TTC27: variants seen among roughly 807,000 people sequenced by gnomAD.
TTC27 encodes tetratricopeptide repeat domain 27, also known as tetratricopeptide repeat protein 27.
TTC27 carries 79 observed loss-of-function variants against 115.9 expected under a neutral mutation model. The observed-to-expected ratio is 0.68, with a 90% CI of 0.57 to 0.82. The LOEUF (loss-of-function observed/expected upper bound fraction) is 0.82, where lower values mean the gene tolerates loss of function less well. Among genes scored for constraint, TTC27 ranks in the 40% least tolerant of loss-of-function variants. TTC27 has a pLI of 0.00. For missense variants in TTC27, 1,054 were observed against 993.1 expected, an observed-to-expected ratio of 1.06 and a Z score of -0.82; for synonymous variants, 401 against 356.0, an observed-to-expected ratio of 1.13 and a Z score of -1.42.
chr2:32,673,916 G>A (rs776488900), intron 8 of TTC27, among the ~76,000 whole-genome samples: 44 of 152,082 alleles, frequency 2.9e-4, no homozygotes, highest in Non-Finnish European at 5.7e-4. Context: ...CGCTTGAACC[G>A]AGAGATTGCA....
At chr2:32,648,436 CTT>C (rs35446780) in intron 4 of TTC27, among the ~76,000 whole-genome samples, 2,865 of 111,906 alleles carry the variant, frequency 0.026, 42 homozygotes, top group Middle Eastern at 0.058. Flanking sequence ...GGCACCCCCC[CTT>C]TTTTTTTTTT....
chr2:32,629,139 G>A (rs960506756), intron 1 of TTC27, among the ~76,000 whole-genome samples: 7 of 149,890 alleles, frequency 4.7e-5, no homozygotes, highest in African/African-American at 1.7e-4. Context: ...TTTTTTTGGG[G>A]GGATGGAGTC....
At chr2:32,684,117 CACTGCACCCCAG>C in intron 9 of TTC27, among the ~76,000 whole-genome samples, 1 of 152,234 alleles carries the variant, frequency 6.6e-6, no homozygotes, top group East Asian at 1.9e-4. Context: ...GAGGTCACGC[CACTGCACCCCAG>C]GCTGCACGAC....
intron 9 of TTC27, among the ~76,000 whole-genome samples, chr2:32,680,883 G>A (rs1458191089): frequency 4.6e-5 from 7 of 152,080 alleles, no homozygotes; most frequent in Admixed American, 1.3e-4. Context: ...TGTGTGTGGC[G>A]GGGGTTCCCT....
intron 10 of TTC27, among the ~76,000 whole-genome samples, chr2:32,722,342 G>C (rs939404667): frequency 2.0e-5 from 3 of 152,238 alleles, no homozygotes; most frequent in Non-Finnish European, 4.4e-5. Context: ...TTGCTCATGT[G>C]ATTGTAGCTG....
At chr2:32,782,117 A>G (rs1288071253) in intron 14 of TTC27, among the ~76,000 whole-genome samples, 1 of 152,214 alleles carries the variant, frequency 6.6e-6, no homozygotes, top group Admixed American at 6.5e-5. Flanking sequence ...GATTTAAAAA[A>G]ACATTCATTT....
chr2:32,757,403 A>T (rs992995593), intron 12 of TTC27, among the ~76,000 whole-genome samples: 2 of 152,170 alleles, frequency 1.3e-5, no homozygotes, highest in African/African-American at 4.8e-5. Flanking sequence ...GGGCCAGTGA[A>T]GCAGTGTTCC....
intron 9 of TTC27, among the ~76,000 whole-genome samples, chr2:32,691,301 TTTAC>T (rs1666799908): frequency 6.7e-6 from 1 of 148,160 alleles, no homozygotes; most frequent in Admixed American, 6.8e-5. Context: ...CATATGAATA[TTTAC>T]TTTTTTTTTT....
chr2:32,696,110 C>T (rs1437935772), intron 9 of TTC27, among the ~76,000 whole-genome samples: 1 of 146,000 alleles, frequency 6.8e-6, no homozygotes, highest in Non-Finnish European at 1.5e-5. Flanking sequence ...GGTGACAGAG[C>T]GAGACTCTAC....
intron 16 of TTC27, among the ~76,000 whole-genome samples, chr2:32,795,162 C>G (rs935667127): frequency 1.1e-4 from 16 of 150,724 alleles, no homozygotes; most frequent in Admixed American, 9.2e-4. Context: ...AAAACACAGA[C>G]CAAAATCTCT....
chr2:32,714,957 T>C (rs1392980079), intron 10 of TTC27, among the ~76,000 whole-genome samples: 2 of 152,166 alleles, frequency 1.3e-5, no homozygotes, highest in Non-Finnish European at 2.9e-5. Flanking sequence ...TTGTTTAAGT[T>C]CCTTATAGAT....
intron 5 of TTC27, among the ~76,000 whole-genome samples, chr2:32,657,351 TTC>T (rs1665364685): frequency 6.8e-6 from 1 of 147,132 alleles, no homozygotes; most frequent in African/African-American, 2.5e-5. Context: ...AACACTGTCT[TTC>T]TTTTTTTTTT....
chr2:32,815,294 T>A (rs1450623583), intron 18 of TTC27, among the ~76,000 whole-genome samples: 3 of 131,152 alleles, frequency 2.3e-5, no homozygotes, highest in Non-Finnish European at 4.6e-5. Flanking sequence ...TGGAGTGCAG[T>A]GGCGCGATCT....
At chr2:32,747,014 C>G (rs932169099) in intron 12 of TTC27, among the ~76,000 whole-genome samples, 2 of 152,190 alleles carry the variant, frequency 1.3e-5, no homozygotes, top group African/African-American at 4.8e-5. Context: ...TCAGACCAAG[C>G]AGGGTGACTG....
At chr2:32,632,903 G>C (rs1664269806) in intron 2 of TTC27, among the ~76,000 whole-genome samples, 2 of 151,862 alleles carry the variant, frequency 1.3e-5, no homozygotes, top group Non-Finnish European at 2.9e-5. Flanking sequence ...ATTTTTAAAG[G>C]GTTGGAAAAA....
At chr2:32,662,537 T>C (rs1217077716) in intron 5 of TTC27, among the ~76,000 whole-genome samples, 1 of 152,166 alleles carries the variant, frequency 6.6e-6, no homozygotes, top group African/African-American at 2.4e-5. Flanking sequence ...TTCTTCTAGA[T>C]TTTCTAGTTT....
At chr2:32,638,264 T>C (rs568061679) in intron 3 of TTC27, among the ~76,000 whole-genome samples, 1 of 152,350 alleles carries the variant, frequency 6.6e-6, no homozygotes, top group African/African-American at 2.4e-5. Flanking sequence ...CAGTAGGCTT[T>C]GTGGTTGTGG....
intron 18 of TTC27, among the ~76,000 whole-genome samples, chr2:32,816,761 C>T (rs1300564820): frequency 1.3e-5 from 2 of 152,102 alleles, no homozygotes; most frequent in African/African-American, 4.8e-5. Context: ...TGCTTCAAAC[C>T]CTGATTATGA....
intron 1 of TTC27, among the ~76,000 whole-genome samples, chr2:32,629,644 T>C (rs1246484433): frequency 6.7e-6 from 1 of 149,596 alleles, no homozygotes; most frequent in Admixed American, 6.7e-5. Context: ...TTTCACCGTG[T>C]TAGCCAGGAT....
Sources: gnomAD v4.1 joint callset for allele counts (sites outside exome capture counted in the v4.1 genomes callset) on GRCh38, gnomAD v4.1.1 for gene constraint, MANE v1.5 for transcripts, NCBI Gene and HGNC (gene_info 2026-07-23, HGNC 2026-07-21) for gene names.